The following ERGIC2 variants were observed in gnomAD, a reference collection of about 807,000 sequenced individuals.
ERGIC2 encodes ERGIC and golgi 2, also known as endoplasmic reticulum-Golgi intermediate compartment protein 2.
Under a neutral mutation model 52.5 loss-of-function variants are expected in ERGIC2, and 31 were observed. The observed-to-expected ratio is 0.59, with a 90% CI of 0.44 to 0.80. The LOEUF is 0.80. ERGIC2 is among the 30% of genes least tolerant of loss of function. The pLI, the probability that ERGIC2 is intolerant of heterozygous loss-of-function variation, is 0.00. For missense variants in ERGIC2, 395 were observed against 455.2 expected, an observed-to-expected ratio of 0.87 and a Z score of 1.20; for synonymous variants, 129 against 140.6, an observed-to-expected ratio of 0.92 and a Z score of 0.58.
chr12:29,341,265 C>T (rs1949838044), intron 13 of ERGIC2, 47 bp from the exon 14 acceptor site: 14 of 1,418,902 alleles, frequency 9.9e-6, no homozygotes, highest in Non-Finnish European at 1.4e-5. Flanking sequence ...TAGTTTTATT[C>T]CTTATACTCT....
chr12:29,359,880 G>C (rs1940259438), intron 6 of ERGIC2, among the ~76,000 whole-genome samples: 1 of 152,038 alleles, frequency 6.6e-6, no homozygotes, highest in Admixed American at 6.6e-5. Flanking sequence ...GGAGACGGAA[G>C]CACTTATAAC....
intron 1 of ERGIC2, among the ~76,000 whole-genome samples, chr12:29,375,419 T>C (rs1940502128): frequency 1.3e-5 from 2 of 152,160 alleles, no homozygotes; most frequent in Admixed American, 1.3e-4. Context: ...GTAGCACATC[T>C]TTCAAATCAC....
intron 1 of ERGIC2, among the ~76,000 whole-genome samples, chr12:29,377,136 A>G (rs1194107644): frequency 6.6e-6 from 1 of 152,194 alleles, no homozygotes; most frequent in African/African-American, 2.4e-5. Flanking sequence ...AGAAGCCGTT[A>G]CACAAGATTC....
intron 1 of ERGIC2, among the ~76,000 whole-genome samples, chr12:29,379,557 T>G (rs1370156838): frequency 6.6e-6 from 1 of 152,214 alleles, no homozygotes; most frequent in East Asian, 1.9e-4. Flanking sequence ...CATTTGTAAC[T>G]ACAGATGTTA....
intron 4 of ERGIC2, among the ~76,000 whole-genome samples, chr12:29,367,948 A>T (rs1161097321): frequency 6.6e-6 from 1 of 151,866 alleles, no homozygotes; most frequent in Non-Finnish European, 1.5e-5. Flanking sequence ...AGTACTCCAA[A>T]CAAAAAAAGA....
At chr12:29,341,573 A>G (rs1447854409) in intron 13 of ERGIC2, among the ~76,000 whole-genome samples, 161 bp downstream of exon 13, 1 of 151,856 alleles carries the variant, frequency 6.6e-6, no homozygotes, top group East Asian at 1.9e-4. Context: ...GGCTCTCACT[A>G]TGTTGCCTTG....
At position 29,339,799 on chromosome 12, in the gene ERGIC2, C is replaced by G. The variant is rs1396495861; in HGVS notation, c.*1357G>C. On this transcript the variant is annotated 3_prime_UTR_variant, in exon 14 of 14. Transcript: ENST00000360150. ...TTGAAAAACTGTTACTTGTGATATC[C>G]TGTTTTCTAAAACCACTATTTTAAA... 1 of 152,008 alleles carries G rather than the reference C, an allele frequency of 6.6e-6. No homozygotes were observed. The highest frequency in any genetic ancestry group is 1.9e-4 in the East Asian group (1 of 5,196). 9.4% of individuals were successfully genotyped at this position (152,008 alleles called of 1,614,324 possible). A position where few individuals can be genotyped will look rare whatever the true frequency, so the allele number is the denominator to read the frequency against.
At chr12:29,375,896 T>A (rs1425854871) in intron 1 of ERGIC2, among the ~76,000 whole-genome samples, 5 of 152,196 alleles carry the variant, frequency 3.3e-5, no homozygotes, top group African/African-American at 1.2e-4. Flanking sequence ...TCATTCCATT[T>A]TGCATACTTG....
At chr12:29,343,380 A>C in intron 11 of ERGIC2, 98 bp from the exon 12 acceptor site, 1 of 867,964 alleles carries the variant, frequency 1.2e-6, no homozygotes, top group Non-Finnish European at 1.7e-6. Context: ...TAAGCCCTGA[A>C]GCCCTACTGT....
chr12:29,370,880 A>G (rs1459910345), intron 2 of ERGIC2, among the ~76,000 whole-genome samples: 1 of 152,098 alleles, frequency 6.6e-6, no homozygotes, highest in Non-Finnish European at 1.5e-5. Flanking sequence ...CTAAAGCAAA[A>G]TACTTAAAAT....
chr12:29,367,531 CAT>C (rs1237687451), intron 4 of ERGIC2, among the ~76,000 whole-genome samples: 1 of 151,536 alleles, frequency 6.6e-6, no homozygotes, highest in Admixed American at 6.6e-5. Context: ...TAAGGAAAAA[CAT>C]ATTGAAAAGA....
intron 8 of ERGIC2, among the ~76,000 whole-genome samples, chr12:29,355,186 C>T (rs1168354243): frequency 2.0e-5 from 3 of 152,110 alleles, no homozygotes. Flanking sequence ...TTGCAGCGTA[C>T]ATTTAATACC....
At chr12:29,342,499 A>C (rs1305825938) in intron 12 of ERGIC2, among the ~76,000 whole-genome samples, 1 of 152,242 alleles carries the variant, frequency 6.6e-6, no homozygotes, top group Non-Finnish European at 1.5e-5. Context: ...AATACTGAAT[A>C]AGGACTGAAG....
intron 8 of ERGIC2, among the ~76,000 whole-genome samples, chr12:29,354,734 G>C (rs140620984): frequency 2.6e-5 from 4 of 152,238 alleles, no homozygotes; most frequent in Non-Finnish European, 4.4e-5. Context: ...AAGTGAAATT[G>C]TGAAAAGACC....
chr12:29,375,819 C>G (rs531864397), intron 1 of ERGIC2, among the ~76,000 whole-genome samples: 1 of 152,094 alleles, frequency 6.6e-6, no homozygotes, highest in Non-Finnish European at 1.5e-5. Context: ...GAATGGAGCA[C>G]CTCGCCCCTC....
At chr12:29,371,231 T>C (rs1181371065) in intron 2 of ERGIC2, among the ~76,000 whole-genome samples, 1 of 152,178 alleles carries the variant, frequency 6.6e-6, no homozygotes. Context: ...ACAGATAGAT[T>C]TGAATAACTT....
intron 8 of ERGIC2, among the ~76,000 whole-genome samples, chr12:29,353,176 A>G (rs1315998558): frequency 1.3e-5 from 2 of 152,212 alleles, no homozygotes; most frequent in Non-Finnish European, 2.9e-5. Flanking sequence ...TTCAACATAA[A>G]GTATACTAAA....
intron 9 of ERGIC2, 75 bp from the exon 10 acceptor site, chr12:29,349,252 C>T: frequency 5.1e-6 from 3 of 589,688 alleles, no homozygotes; most frequent in Non-Finnish European, 5.9e-6. Context: ...GACTGGTTTA[C>T]ATCCTTATCT....
At chr12:29,352,006 A>T (rs1272322546) in intron 8 of ERGIC2, among the ~76,000 whole-genome samples, 2 of 152,162 alleles carry the variant, frequency 1.3e-5, no homozygotes, top group African/African-American at 2.4e-5. Context: ...CAAATAATCC[A>T]TGGTACACTG....
Sources: gnomAD v4.1 joint callset for allele counts (sites outside exome capture counted in the v4.1 genomes callset) on GRCh38, gnomAD v4.1.1 for gene constraint, MANE v1.5 for transcripts, NCBI Gene and HGNC (gene_info 2026-07-23, HGNC 2026-07-21) for gene names.